The following SPATA17 variants were observed in gnomAD, a reference collection of about 807,000 sequenced individuals.
SPATA17 encodes spermatogenesis-associated protein 17.
SPATA17 carries 53 observed loss-of-function variants against 62.2 expected under a neutral mutation model. The ratio of observed to expected loss-of-function variants is 0.85; its 90% CI spans 0.68 to 1.07. The LOEUF (loss-of-function observed/expected upper bound fraction) is 1.07, where lower values mean the gene tolerates loss of function less well. Among genes scored for constraint, SPATA17 ranks in the 50% least tolerant of loss-of-function variants. SPATA17 has a pLI of 0.00. For missense variants in SPATA17, 466 were observed against 425.5 expected (o/e 1.10, Z -0.84); for synonymous variants, 146 against 146.8 (o/e 0.99, Z 0.04).
intron 5 of SPATA17, among the ~76,000 whole-genome samples, chr1:217,733,419 T>A (rs2102942655): frequency 6.6e-6 from 1 of 152,328 alleles, no homozygotes; most frequent in Admixed American, 6.5e-5. Context: ...AACTTGCTCG[T>A]TGTTCAGTTC....
chr1:217,737,107 A>G (rs912155081), intron 5 of SPATA17, among the ~76,000 whole-genome samples: 3 of 152,194 alleles, frequency 2.0e-5, no homozygotes, highest in African/African-American at 7.2e-5. Context: ...TTAAAGGCAA[A>G]GATTTTGGAG....
chr1:217,637,539 G>GT (rs1321886749), intron 1 of SPATA17, among the ~76,000 whole-genome samples: 2 of 152,124 alleles, frequency 1.3e-5, no homozygotes, highest in Non-Finnish European at 2.9e-5. Context: ...TGTTCCTTAA[G>GT]TTGTCCTGAT....
At chr1:217,656,103 C>G (rs1337466939) in intron 3 of SPATA17, among the ~76,000 whole-genome samples, 1 of 151,886 alleles carries the variant, frequency 6.6e-6, no homozygotes, top group East Asian at 1.9e-4. Flanking sequence ...AGGCTGGTCT[C>G]GAACTCCTGA....
At chr1:217,808,007 T>C (rs2102990571) in intron 9 of SPATA17, among the ~76,000 whole-genome samples, 1 of 152,290 alleles carries the variant, frequency 6.6e-6, no homozygotes, top group Admixed American at 6.5e-5. Context: ...AGTTCAAAAG[T>C]ATTTCTCTCT....
rs184370041 is a variant in SPATA17, at chr1:217,865,208, C to A, written c.*3-1814C>A. On this transcript the variant is annotated intron_variant, in intron 10 of 10. Transcript: ENST00000366933. The stretch of plus-strand genomic sequence containing the variant: ...GCACCAAACTGTTGAATAAAGATGC[C>A]ATAGTAATTTTTAGAGCTATCTATT... Among the ~76,000 whole-genome samples the A allele has an allele frequency of 9.3e-4, 141 of 152,188 alleles. 1 individual carries two copies. The highest frequency in any genetic ancestry group is 3.4e-3 in the African/African-American group (140 of 41,530).
chr1:217,691,006 G>A (rs967807692), intron 5 of SPATA17, among the ~76,000 whole-genome samples: 1 of 146,832 alleles, frequency 6.8e-6, no homozygotes, highest in African/African-American at 2.6e-5. Flanking sequence ...TATACACCCA[G>A]TAATGGGATG....
chr1:217,834,952 T>A (rs1486876185), intron 9 of SPATA17, among the ~76,000 whole-genome samples: 1 of 152,162 alleles, frequency 6.6e-6, no homozygotes, highest in East Asian at 1.9e-4. Context: ...TATGTTTAGA[T>A]ACATAGATAC....
At chr1:217,711,080 A>AT (rs1671851038) in intron 5 of SPATA17, among the ~76,000 whole-genome samples, 1 of 152,188 alleles carries the variant, frequency 6.6e-6, no homozygotes, top group African/African-American at 2.4e-5. Context: ...GACATTTGAG[A>AT]TGTTTCCACT....
chr1:217,862,749 T>A (rs1466470891), intron 9 of SPATA17, 25 bp from the exon 10 acceptor site: 1 of 1,487,042 alleles, frequency 6.7e-7, no homozygotes, highest in Non-Finnish European at 9.3e-7. Flanking sequence ...ATCTCTGTGG[T>A]AATCTTTGAA....
chr1:217,659,368 T>C (rs1032618093), intron 3 of SPATA17, among the ~76,000 whole-genome samples: 1 of 152,122 alleles, frequency 6.6e-6, no homozygotes. Flanking sequence ...AAAAATTAGA[T>C]AGTTGCTCTA....
chr1:217,698,326 C>A (rs879778483), intron 5 of SPATA17, among the ~76,000 whole-genome samples: 1 of 151,694 alleles, frequency 6.6e-6, no homozygotes, highest in African/African-American at 2.4e-5. Flanking sequence ...CCCAGCTGCT[C>A]GGGAGGCTGA....
At chr1:217,662,757 T>C (rs17724545) in intron 3 of SPATA17, among the ~76,000 whole-genome samples, 38,994 of 152,080 alleles carry the variant, frequency 0.26, 5,972 homozygotes, top group Non-Finnish European at 0.35. Flanking sequence ...GAGATTGACA[T>C]TGTTGCTTTC....
At chr1:217,734,945 A>G (rs1444610580) in intron 5 of SPATA17, among the ~76,000 whole-genome samples, 1 of 152,164 alleles carries the variant, frequency 6.6e-6, no homozygotes, top group Non-Finnish European at 1.5e-5. Flanking sequence ...CCACACTTTG[A>G]GACCCACTAA....
intron 8 of SPATA17, among the ~76,000 whole-genome samples, chr1:217,790,508 T>A (rs919922918): frequency 6.6e-6 from 1 of 152,192 alleles, no homozygotes; most frequent in Non-Finnish European, 1.5e-5. Context: ...TGGCACGATC[T>A]CGGCTCACTG....
intron 1 of SPATA17, among the ~76,000 whole-genome samples, chr1:217,632,965 A>C (rs1404887021): frequency 6.6e-6 from 1 of 151,630 alleles, no homozygotes; most frequent in Non-Finnish European, 1.5e-5. Flanking sequence ...TGGGAGGCAG[A>C]GGCAGATGGA....
chr1:217,845,794 G>A (rs1209878598), intron 9 of SPATA17, among the ~76,000 whole-genome samples: 3 of 152,046 alleles, frequency 2.0e-5, no homozygotes, highest in Non-Finnish European at 4.4e-5. Context: ...TAAATTGTGT[G>A]AGTACCAGAT....
chr1:217,688,159 G>A (rs999946122), intron 5 of SPATA17, among the ~76,000 whole-genome samples: 1 of 152,108 alleles, frequency 6.6e-6, no homozygotes, highest in Non-Finnish European at 1.5e-5. Flanking sequence ...GAGCCCAGGA[G>A]TCTGAGGATC....
intron 3 of SPATA17, among the ~76,000 whole-genome samples, chr1:217,656,634 A>G (rs1361260954): frequency 6.6e-6 from 1 of 152,180 alleles, no homozygotes; most frequent in Non-Finnish European, 1.5e-5. Flanking sequence ...CATGAAACAG[A>G]ATCATAGTGG....
At chr1:217,712,906 GA>G (rs1217009557) in intron 5 of SPATA17, among the ~76,000 whole-genome samples, 1 of 152,050 alleles carries the variant, frequency 6.6e-6, no homozygotes, top group Non-Finnish European at 1.5e-5. Context: ...AGCATGAATG[GA>G]ACAGTCAGAG....
Sources: allele counts gnomAD v4.1 joint callset (sites outside exome capture counted in the v4.1 genomes callset), GRCh38; gene constraint gnomAD v4.1.1; transcripts MANE v1.5; gene names NCBI Gene and HGNC (gene_info 2026-07-23, HGNC 2026-07-21).